Variants in ACBD7 observed in about 807,000 individuals in gnomAD.
ACBD7 encodes acyl-CoA binding domain containing 7.
Under a neutral mutation model 13.7 loss-of-function variants are expected in ACBD7, and 11 were observed. The observed-to-expected ratio is 0.80, with a 90% CI of 0.50 to 1.33. ACBD7 has a LOEUF of 1.33. Ranked by LOEUF, ACBD7 falls within the 40% of genes most tolerant of loss-of-function variation. ACBD7 has a pLI of 0.00. For synonymous variants in ACBD7, 43 were observed against 37.7 expected (o/e 1.14, Z -0.51); for missense variants, 111 against 103.0 (o/e 1.08, Z -0.33).
Position 15,075,662 on chromosome 10 carries a change from C to A in ACBD7, c.*2868G>T, listed in dbSNP as rs557771577. Reference sequence around the variant, plus strand: ...CTGGCAACCACTATTCCATCCTTTGCGTCTATAAATGTTCCCTTTCAAGAA... The same window carrying A: ...CTGGCAACCACTATTCCATCCTTTGAGTCTATAAATGTTCCCTTTCAAGAA... On this transcript the variant is annotated 3_prime_UTR_variant, in exon 4 of 4. Transcript: ENST00000356189. Among the ~76,000 whole-genome samples the A allele has an allele frequency of 2.0e-5, 3 of 152,200 alleles. No homozygotes were observed. The South Asian group carries it at 6.2e-4, about 32-fold the overall frequency.
At chr10:15,084,973 T>G (rs1263570380) in intron 1 of ACBD7, among the ~76,000 whole-genome samples, 1 of 152,128 alleles carries the variant, frequency 6.6e-6, no homozygotes, top group Non-Finnish European at 1.5e-5. Context: ...TGAATCGGCC[T>G]TAGGTTCCCT....
chr10:15,079,883 C>CTTT (rs34762205), intron 1 of ACBD7, among the ~76,000 whole-genome samples: 1,669 of 138,408 alleles, frequency 0.012, 48 homozygotes, highest in African/African-American at 0.04. Flanking sequence ...AGCTGCTTTT[C>CTTT]TTTTTTTTTT....
rs1013380330 is a variant in ACBD7 at position 15,077,558 on chromosome 10, T to A, written c.*972A>T. ...TGATGGTTACACTAAAAGCCCAGAT[T>A]TCCCCACTACACAATATATCCATGT... On this transcript the variant is annotated 3_prime_UTR_variant, in exon 4 of 4. Coordinates refer to ENST00000356189, the MANE Select transcript of ACBD7 (RefSeq NM_001039844.3). 6.6e-6 allele frequency: 1 copy of A among 152,036 alleles called. No individual in the cohort carries two copies. Among genetic ancestry groups the A allele is most frequent in the Non-Finnish European group, 1.5e-5 (1 of 68,006 alleles). The allele number at this position is 152,036 out of a possible 1,614,324, so 9.4% of individuals were successfully genotyped here.
chr10:15,083,358 T>C (rs1844771577), intron 1 of ACBD7, among the ~76,000 whole-genome samples: 1 of 152,236 alleles, frequency 6.6e-6, no homozygotes, highest in African/African-American at 2.4e-5. Flanking sequence ...TACTCAGGTT[T>C]GACTTCCAGC....
Position 15,076,332 on chromosome 10 carries a change from T to G in ACBD7, c.*2198A>C. ...CAATATTATATTCCAGACTCTATTT[T>G]TACTCAGATAGAACTGAACATATGG... On this transcript the variant is annotated 3_prime_UTR_variant, in exon 4 of 4. Coordinates refer to ENST00000356189, the MANE Select transcript of ACBD7 (RefSeq NM_001039844.3). 1 of 985,232 alleles carries G rather than the reference T, an allele frequency of 1.0e-6. No individual in the cohort carries two copies. The highest frequency in any genetic ancestry group is 1.2e-6 in the Non-Finnish European group (1 of 829,820). The allele number at this position is 985,232 out of a possible 1,614,324, so 61.0% of individuals were successfully genotyped here.
At position 15,077,061 on chromosome 10, in the gene ACBD7, T is replaced by C. The variant is rs1310422092; in HGVS notation, c.*1469A>G. 4 of 390,372 alleles carry C rather than the reference T, an allele frequency of 1.0e-5. No homozygotes were observed. The highest frequency in any genetic ancestry group is 1.4e-5 in the Non-Finnish European group (4 of 286,394). 24.2% of individuals were successfully genotyped at this position (390,372 alleles called of 1,614,324 possible). ...ATGGAACTAAAAATAGAACTACCAT[T>C]CTACCCAGCAATCCCACTACTGGGT... On this transcript the variant is annotated 3_prime_UTR_variant, in exon 4 of 4. Coordinates refer to ENST00000356189, the MANE Select transcript of ACBD7 (RefSeq NM_001039844.3).
At chr10:15,081,266 C>T (rs1019313262) in intron 1 of ACBD7, among the ~76,000 whole-genome samples, 3 of 152,156 alleles carry the variant, frequency 2.0e-5, no homozygotes, top group African/African-American at 7.2e-5. Flanking sequence ...CCAGGCCCTT[C>T]CTGGGGCTTG....
At chr10:15,083,419 G>A (rs927014782) in intron 1 of ACBD7, among the ~76,000 whole-genome samples, 9 of 152,244 alleles carry the variant, frequency 5.9e-5, no homozygotes, top group Non-Finnish European at 1.3e-4. Context: ...GCTCCTCTAA[G>A]ATGCAGCTTC....
chr10:15,086,963 A>G (rs898680502), intron 1 of ACBD7, among the ~76,000 whole-genome samples: 3 of 151,456 alleles, frequency 2.0e-5, no homozygotes, highest in Non-Finnish European at 2.9e-5. Context: ...CGGTGAGCCA[A>G]GATTGCGCCA....
chr10:15,083,260 G>C (rs1844770664), intron 1 of ACBD7, among the ~76,000 whole-genome samples: 1 of 152,036 alleles, frequency 6.6e-6, no homozygotes, highest in South Asian at 2.1e-4. Context: ...TGCCTTAAGG[G>C]GCTGTTCTGA....
rs1024835902 is a variant in ACBD7 at position 15,085,173 on chromosome 10, T to A, written c.12+3544A>T. Among the ~76,000 whole-genome samples, 5 of 152,208 alleles carry A rather than the reference T, an allele frequency of 3.3e-5. No individual in the cohort carries two copies. In the East Asian group the frequency reaches 9.6e-4, roughly 29 times the overall value. On this transcript the variant is annotated intron_variant, in intron 1 of 3. Coordinates refer to ENST00000356189, the MANE Select transcript of ACBD7 (RefSeq NM_001039844.3). ...GCATTATCTCCCGGTCACCCGAGCT[T>A]GGGATTCTGCAAGACAAACTGCCTT... is the stretch of plus-strand genomic sequence containing the variant.
chr10:15,078,872 A>G, intron 2 of ACBD7, 51 bp downstream of exon 2: 1 of 1,226,252 alleles, frequency 8.2e-7, no homozygotes, highest in Non-Finnish European at 1.1e-6. Context: ...AATCGCAATT[A>G]ATATATTAAT....
In ACBD7 at chr10:15,076,458, T is replaced by C. The variant is rs1256344090; in HGVS notation, c.*2072A>G. On this transcript the variant is annotated 3_prime_UTR_variant, in exon 4 of 4. Coordinates refer to ENST00000356189, the MANE Select transcript of ACBD7 (RefSeq NM_001039844.3). ...ATTTAAAGAAAAATAGATATTCCTATGGGGGCTTTTTAAATTTCTTTAAAC... is the reference window on the plus strand; with the variant it reads ...ATTTAAAGAAAAATAGATATTCCTACGGGGGCTTTTTAAATTTCTTTAAAC... The C allele has an allele frequency of 2.1e-6, 2 of 967,364 alleles. No individual in the cohort carries two copies. Among genetic ancestry groups the C allele is most frequent in the Admixed American group, 6.2e-5 (1 of 16,198 alleles). 59.9% of individuals were successfully genotyped at this position (967,364 alleles called of 1,614,324 possible).
In ACBD7 at chr10:15,076,751, C is replaced by A; in HGVS notation, c.*1779G>T. The A allele has an allele frequency of 1.0e-6, 1 of 973,570 alleles. No homozygotes were observed. Among genetic ancestry groups the A allele is most frequent in the Non-Finnish European group, 1.2e-6 (1 of 819,176 alleles). The allele number at this position is 973,570 out of a possible 1,614,324, so 60.3% of individuals were successfully genotyped here. ...ACTTCTGACCTCAGTAATCCACCTA[C>A]CTCGGCCTCCCAAAGTGCTGAGATT... On this transcript the variant is annotated 3_prime_UTR_variant, in exon 4 of 4. Transcript: ENST00000356189.
At chr10:15,087,736 C>A (rs1189366596) in intron 1 of ACBD7, among the ~76,000 whole-genome samples, 1 of 151,524 alleles carries the variant, frequency 6.6e-6, no homozygotes, top group Non-Finnish European at 1.5e-5. Context: ...TGAGATTGCA[C>A]CACTGCACTC....
At chr10:15,087,717 G>A (rs1366796427) in intron 1 of ACBD7, among the ~76,000 whole-genome samples, 3 of 152,036 alleles carry the variant, frequency 2.0e-5, no homozygotes, top group Non-Finnish European at 4.4e-5. Context: ...GGCGGAGGTT[G>A]CGGTGAGCTG....
chr10:15,078,521 T>C lies in ACBD7; in HGVS notation c.*9A>G, dbSNP rs374826988. 5 of 1,614,080 alleles carry C rather than the reference T, an allele frequency of 3.1e-6. No individual in the cohort carries two copies. The highest frequency in any genetic ancestry group is 4.2e-6 in the Non-Finnish European group (5 of 1,180,032). On this transcript the variant is annotated 3_prime_UTR_variant, in exon 4 of 4. Coordinates refer to ENST00000356189, the MANE Select transcript of ACBD7 (RefSeq NM_001039844.3). ...TCTTCAAAAGGAAAAATTCCTCATATGCTGTATTCTAAATTCCGTATTTTT... is the reference window on the plus strand; with the variant it reads ...TCTTCAAAAGGAAAAATTCCTCATACGCTGTATTCTAAATTCCGTATTTTT...
chr10:15,078,557 C>G lies in ACBD7; in HGVS notation c.240G>C (p.Lys80Asn), dbSNP rs1844710164. 2 of 1,614,006 alleles carry G rather than the reference C, an allele frequency of 1.2e-6. No individual in the cohort carries two copies. The highest frequency in any genetic ancestry group is 8.5e-7 in the Non-Finnish European group (1 of 1,180,034). The change falls in exon 4 of 4, where the codon AAG becomes AAC. Residue 80 changes from lysine (K) to asparagine (N), a missense_variant. Physicochemically the swap from Lys to Asn is moderately conservative, Grantham distance 94 (BLOSUM62 0). Transcript: ENST00000356189. ...DATSAYISKA[K>N]ELIEKYGI is the part of the protein sequence containing the mutation. ...AAATTCCGTATTTTTCTATCAGCTCCTTTGCTTTAGAAATATAGGCACTCG... is the reference window on the plus strand; with the variant it reads ...AAATTCCGTATTTTTCTATCAGCTCGTTTGCTTTAGAAATATAGGCACTCG...
chr10:15,081,936 A>C (rs1844754868), intron 1 of ACBD7, among the ~76,000 whole-genome samples: 1 of 152,222 alleles, frequency 6.6e-6, no homozygotes, highest in Admixed American at 6.5e-5. Context: ...GCCATGGTTA[A>C]GAACATGGCT....
Sources: gnomAD v4.1 joint callset for allele counts (sites outside exome capture counted in the v4.1 genomes callset) on GRCh38, gnomAD v4.1.1 for gene constraint, MANE v1.5 for transcripts, NCBI Gene and HGNC (gene_info 2026-07-23, HGNC 2026-07-21) for gene names.